Variants in RALYL observed in about 807,000 individuals in gnomAD.
The protein encoded by RALYL is RALY RNA binding protein like.
RALYL carries 29 observed loss-of-function variants against 35.1 expected under a neutral mutation model. That is an observed-to-expected ratio of 0.83 (90% confidence interval 0.61 to 1.13). The LOEUF (loss-of-function observed/expected upper bound fraction) is 1.13. Among genes scored for constraint, RALYL ranks in the 50% most tolerant of loss-of-function variants. The pLI is 0.00. For synonymous variants in RALYL, 120 were observed against 127.6 expected, an observed-to-expected ratio of 0.94 and a Z score of 0.40; for missense variants, 359 against 360.4, an observed-to-expected ratio of 1.00 and a Z score of 0.03.
intron 4 of RALYL, among the ~76,000 whole-genome samples, chr8:84,832,578 G>A (rs781142678): frequency 1.3e-5 from 2 of 152,100 alleles, no homozygotes; most frequent in Non-Finnish European, 2.9e-5. Flanking sequence ...GAGAGTCAAA[G>A]AAACTGAACT....
intron 2 of RALYL, among the ~76,000 whole-genome samples, chr8:84,543,009 AT>A (rs1234701726): frequency 3.3e-5 from 5 of 152,244 alleles, no homozygotes; most frequent in South Asian, 4.1e-4. Flanking sequence ...GAACAAAATC[AT>A]TTGTCCTATA....
intron 1 of RALYL, among the ~76,000 whole-genome samples, chr8:84,528,892 G>A (rs764264810): frequency 6.6e-6 from 1 of 152,086 alleles, no homozygotes; most frequent in Non-Finnish European, 1.5e-5. Context: ...TACTCAAACA[G>A]AAGATGGAGG....
intron 1 of RALYL, among the ~76,000 whole-genome samples, chr8:84,385,882 A>T (rs1859085860): frequency 6.6e-6 from 1 of 151,850 alleles, no homozygotes; most frequent in African/African-American, 2.4e-5. Context: ...CTTCATCTCC[A>T]GGATGGCATG....
rs113171728 is a variant in RALYL at position 84,912,622 on chromosome 8, G to A, written c.859-8272G>A. On this transcript the variant is annotated intron_variant, in intron 8 of 8. Transcript: ENST00000521268. Reference sequence around the variant, plus strand: ...TGCTTGCCGCCATTGGCTTCCTAACGCTCATTTGCCAAAACTCTGCTAATC... The same window carrying A: ...TGCTTGCCGCCATTGGCTTCCTAACACTCATTTGCCAAAACTCTGCTAATC... Among the ~76,000 whole-genome samples the A allele has an allele frequency of 4.6e-5, 7 of 152,062 alleles. No individual in the cohort carries two copies. In the East Asian group the frequency reaches 5.8e-4, roughly 13 times the overall value.
chr8:84,349,494 G>C (rs1040050264), intron 1 of RALYL, among the ~76,000 whole-genome samples: 2 of 150,046 alleles, frequency 1.3e-5, no homozygotes, highest in East Asian at 1.9e-4. Context: ...AACTACTGCT[G>C]TCCCCTGCCT....
chr8:84,858,785 G>A (rs7003217), intron 5 of RALYL, among the ~76,000 whole-genome samples: 3 of 151,896 alleles, frequency 2.0e-5, no homozygotes, highest in Non-Finnish European at 4.4e-5. Flanking sequence ...TCTTGCAATC[G>A]CAGAAAGCCT....
intron 1 of RALYL, among the ~76,000 whole-genome samples, chr8:84,468,510 T>A (rs2052112891): frequency 6.7e-6 from 1 of 149,882 alleles, no homozygotes; most frequent in Admixed American, 6.7e-5. Flanking sequence ...TGCCGAGAGA[T>A]CTGCTGTTAG....
chr8:84,343,357 C>G (rs1849219719), intron 1 of RALYL, among the ~76,000 whole-genome samples: 1 of 152,004 alleles, frequency 6.6e-6, no homozygotes, highest in Non-Finnish European at 1.5e-5. Context: ...CTTTGAAAAG[C>G]AAATAGAATA....
At chr8:84,693,195 G>A (rs1254450410) in intron 2 of RALYL, among the ~76,000 whole-genome samples, 1 of 151,950 alleles carries the variant, frequency 6.6e-6, no homozygotes, top group Non-Finnish European at 1.5e-5. Context: ...GGGGATAAAT[G>A]TATTAGCCCA....
At chr8:84,286,606 C>T (rs148689421) in intron 1 of RALYL, among the ~76,000 whole-genome samples, 18 of 152,066 alleles carry the variant, frequency 1.2e-4, no homozygotes, top group African/African-American at 4.3e-4. Flanking sequence ...GGTTTAAAGG[C>T]AGGAAGGCAG....
intron 1 of RALYL, among the ~76,000 whole-genome samples, chr8:84,338,670 C>G (rs548825583): frequency 1.3e-5 from 2 of 152,086 alleles, no homozygotes; most frequent in South Asian, 4.2e-4. Context: ...TCAAACAGCC[C>G]TCTTTGGTCT....
intron 1 of RALYL, among the ~76,000 whole-genome samples, chr8:84,289,331 A>C (rs1838307271): frequency 6.6e-6 from 1 of 152,214 alleles, no homozygotes; most frequent in South Asian, 2.1e-4. Context: ...AGTTTTTTAA[A>C]GTAAAGAAAA....
chr8:84,229,161 G>A (rs578120259), intron 1 of RALYL, among the ~76,000 whole-genome samples: 1 of 152,232 alleles, frequency 6.6e-6, no homozygotes, highest in African/African-American at 2.4e-5. Context: ...CAGCCATTTT[G>A]GTGGCCGAAA....
intron 1 of RALYL, among the ~76,000 whole-genome samples, chr8:84,492,873 G>T (rs999610883): frequency 3.4e-5 from 5 of 147,432 alleles, no homozygotes; most frequent in African/African-American, 1.3e-4. Context: ...TTGCACACCA[G>T]AGCACCTACT....
intron 1 of RALYL, among the ~76,000 whole-genome samples, chr8:84,467,287 T>C (rs1272128863): frequency 5.3e-5 from 8 of 151,910 alleles, no homozygotes; most frequent in Admixed American, 4.6e-4. Flanking sequence ...TTTAGTGCTA[T>C]AAATTTCCCT....
intron 2 of RALYL, among the ~76,000 whole-genome samples, chr8:84,766,323 T>C (rs1813955203): frequency 6.6e-6 from 1 of 152,028 alleles, no homozygotes; most frequent in Admixed American, 6.6e-5. Context: ...CTGTTAAGTG[T>C]AAATAGCCAA....
At chr8:84,634,790 G>T (rs1271971056) in intron 2 of RALYL, among the ~76,000 whole-genome samples, 1 of 151,716 alleles carries the variant, frequency 6.6e-6, no homozygotes, top group Non-Finnish European at 1.5e-5. Flanking sequence ...AGTTGGAGGA[G>T]GTCAACACGC....
chr8:84,593,189 A>G (rs936891402), intron 2 of RALYL, among the ~76,000 whole-genome samples: 7 of 151,926 alleles, frequency 4.6e-5, no homozygotes, highest in Non-Finnish European at 8.8e-5. Flanking sequence ...TTCACCAACA[A>G]TCTACTTTAA....
At chr8:84,871,701 G>A (rs1840219845) in intron 6 of RALYL, among the ~76,000 whole-genome samples, 1 of 152,030 alleles carries the variant, frequency 6.6e-6, no homozygotes, top group African/African-American at 2.4e-5. Flanking sequence ...GGATACTCTA[G>A]AGGGCCCATG....
Sources: allele counts gnomAD v4.1 joint callset (sites outside exome capture counted in the v4.1 genomes callset), GRCh38; gene constraint gnomAD v4.1.1; transcripts MANE v1.5; gene names NCBI Gene and HGNC (gene_info 2026-07-23, HGNC 2026-07-21).